The following EIF2B3 variants were observed in gnomAD, a reference collection of about 807,000 sequenced individuals.
The protein encoded by EIF2B3 is translation initiation factor eIF2B subunit gamma.
Under a neutral mutation model 54.1 loss-of-function variants are expected in EIF2B3, and 20 were observed. The ratio of observed to expected loss-of-function variants is 0.37; its 90% CI spans 0.26 to 0.54. The LOEUF (loss-of-function observed/expected upper bound fraction) is 0.54. EIF2B3 is among the 20% of genes least tolerant of loss of function. EIF2B3 has a pLI of 0.86. For synonymous variants in EIF2B3, 153 were observed against 188.1 expected (o/e 0.81, Z 1.52); for missense variants, 448 against 547.8 (o/e 0.82, Z 1.82).
At chr1:44,948,587 C>G (rs932081951) in intron 3 of EIF2B3, among the ~76,000 whole-genome samples, 3 of 151,836 alleles carry the variant, frequency 2.0e-5, no homozygotes, top group Non-Finnish European at 2.9e-5. Flanking sequence ...ATGATATGCT[C>G]TTTATATAAT....
intron 6 of EIF2B3, among the ~76,000 whole-genome samples, chr1:44,882,824 A>G (rs1265917666): frequency 6.6e-6 from 1 of 151,570 alleles, no homozygotes; most frequent in East Asian, 1.9e-4. Flanking sequence ...CATGTTGGCC[A>G]AGCTGGTCTC....
At chr1:44,947,242 T>C (rs1056378610) in intron 3 of EIF2B3, among the ~76,000 whole-genome samples, 1 of 152,326 alleles carries the variant, frequency 6.6e-6, no homozygotes, top group South Asian at 2.1e-4. Context: ...CTTGACAATA[T>C]AGAAACATGC....
chr1:44,869,211 C>T (rs906708036), intron 10 of EIF2B3, among the ~76,000 whole-genome samples: 5 of 152,174 alleles, frequency 3.3e-5, no homozygotes, highest in Non-Finnish European at 5.9e-5. Flanking sequence ...GGCATGGTGG[C>T]TCATGCCTGT....
At chr1:44,940,807 C>G (rs1644011984) in intron 4 of EIF2B3, 1 of 152,464 alleles carries the variant, frequency 6.6e-6, no homozygotes, top group Admixed American at 6.6e-5. Flanking sequence ...AAAGAAACAA[C>G]TATCACATTT....
chr1:44,955,716 T>G (rs1644216494), intron 3 of EIF2B3, among the ~76,000 whole-genome samples: 1 of 151,906 alleles, frequency 6.6e-6, no homozygotes, highest in African/African-American at 2.4e-5. Context: ...GAACAGACAC[T>G]TCTCAAAAGA....
chr1:44,878,163 T>G (rs1244087297), intron 8 of EIF2B3, among the ~76,000 whole-genome samples: 1 of 152,226 alleles, frequency 6.6e-6, no homozygotes, highest in African/African-American at 2.4e-5. Flanking sequence ...GGGACTCCCT[T>G]GGATCTGTAA....
In EIF2B3 at chr1:44,980,954, G is replaced by C. The variant is rs534936894; in HGVS notation, c.148+67C>G. ...CACCCTCTCTCATTCTCATAACGCT[G>C]ACAAATCATGGGGATCAAATCTCCT... is the stretch of plus-strand genomic sequence containing the variant. On this transcript the variant is annotated intron_variant, in intron 2 of 11. Transcript: ENST00000360403. 1.0e-5 allele frequency: 16 copies of C among 1,595,994 alleles called. No individual in the cohort carries two copies. The East Asian group carries it at 3.6e-4, about 36-fold the overall frequency.
At chr1:44,856,727 G>A (rs1324255515) in intron 11 of EIF2B3, among the ~76,000 whole-genome samples, 3 of 151,986 alleles carry the variant, frequency 2.0e-5, no homozygotes, top group Non-Finnish European at 4.4e-5. Flanking sequence ...AGAGTTGGTG[G>A]GGTTAATTCC....
chr1:44,956,706 A>G (rs1644229991), intron 3 of EIF2B3, among the ~76,000 whole-genome samples: 1 of 152,168 alleles, frequency 6.6e-6, no homozygotes, highest in Non-Finnish European at 1.5e-5. Context: ...AACTTAAATA[A>G]CAAGGGCAAA....
chr1:44,926,869 T>G (rs2148932474), intron 4 of EIF2B3, 130 bp from the exon 5 acceptor site: 1 of 828,722 alleles, frequency 1.2e-6, no homozygotes, highest in African/African-American at 1.7e-5. Context: ...GTGCAGTGGC[T>G]CACGCCTGTA....
intron 3 of EIF2B3, among the ~76,000 whole-genome samples, chr1:44,977,860 T>C (rs914201205): frequency 3.9e-5 from 6 of 152,218 alleles, no homozygotes; most frequent in African/African-American, 1.2e-4. Flanking sequence ...TCTTTACTAG[T>C]AACCAAATCA....
intron 3 of EIF2B3, among the ~76,000 whole-genome samples, chr1:44,972,059 T>C (rs1644404093): frequency 6.7e-6 from 1 of 150,122 alleles, no homozygotes; most frequent in Non-Finnish European, 1.5e-5. Flanking sequence ...CAAACAAAAA[T>C]AAGCAGAAAA....
In EIF2B3 at chr1:44,881,859, C is replaced by T; in HGVS notation, c.657-120G>A. On this transcript the variant is annotated intron_variant, in intron 6 of 11. Coordinates refer to ENST00000360403, the MANE Select transcript of EIF2B3 (RefSeq NM_020365.5). The surrounding 1 kb of genome is among the most constrained non-coding windows in gnomAD (Gnocchi z 4.0). ...TCCTGTCATGGCACCTTGGGACTGT[C>T]AGAGATCAAATGTGGCATTGACTTG... 1 of 1,366,968 alleles carries T rather than the reference C, an allele frequency of 7.3e-7. No homozygotes were observed. Among genetic ancestry groups the T allele is most frequent in the Non-Finnish European group, 1.0e-6 (1 of 983,112 alleles). 84.7% of individuals were successfully genotyped at this position (1,366,968 alleles called of 1,614,324 possible). A position where few individuals can be genotyped will look rare whatever the true frequency, so the allele number is the denominator to read the frequency against.
rs1655403559 is a variant in EIF2B3 at position 44,881,603 on chromosome 1, A to C, written c.784+9T>G. ...TTGCCCCTCTTACTGAACCAACCCAAGAACTGACCTAAGGACTTCAGCTCC... is the reference window on the plus strand; with the variant it reads ...TTGCCCCTCTTACTGAACCAACCCACGAACTGACCTAAGGACTTCAGCTCC... On this transcript the variant is annotated intron_variant, in intron 7 of 11. Transcript: ENST00000360403. This position sits in a 1 kb window ranked among gnomAD's most constrained non-coding sequence, Gnocchi z 4.0. 1.2e-6 allele frequency: 2 copies of C among 1,613,866 alleles called. No homozygotes were observed. Among genetic ancestry groups the C allele is most frequent in the Admixed American group, 3.3e-5 (2 of 60,000 alleles).
intron 3 of EIF2B3, among the ~76,000 whole-genome samples, chr1:44,945,706 T>C (rs966422494): frequency 5.3e-5 from 8 of 151,946 alleles, no homozygotes; most frequent in African/African-American, 1.9e-4. Context: ...CTTAGAACAA[T>C]GCTTAGAAAG....
At chr1:44,959,364 C>A in intron 3 of EIF2B3, 1 of 562,844 alleles carries the variant, frequency 1.8e-6, no homozygotes, top group South Asian at 1.9e-5. Context: ...GCAGCAATTT[C>A]TAGCAGGGCC....
At chr1:44,947,248 C>G (rs533412170) in intron 3 of EIF2B3, among the ~76,000 whole-genome samples, 1 of 152,148 alleles carries the variant, frequency 6.6e-6, no homozygotes, top group Non-Finnish European at 1.5e-5. Context: ...AATATAGAAA[C>G]ATGCAAGGTT....
At chr1:44,953,628 C>T (rs902235522) in intron 3 of EIF2B3, among the ~76,000 whole-genome samples, 1 of 152,036 alleles carries the variant, frequency 6.6e-6, no homozygotes, top group Non-Finnish European at 1.5e-5. Context: ...GCCATCTCTA[C>T]AAAAAATACA....
intron 10 of EIF2B3, among the ~76,000 whole-genome samples, chr1:44,866,987 G>A (rs1654805208): frequency 6.6e-6 from 1 of 152,220 alleles, no homozygotes; most frequent in African/African-American, 2.4e-5. Flanking sequence ...GAAATAAAGG[G>A]AAGTAGGAAT....
Sources: allele counts gnomAD v4.1 joint callset (sites outside exome capture counted in the v4.1 genomes callset), GRCh38; gene constraint gnomAD v4.1.1; non-coding constraint Gnocchi (gnomAD v3.1); transcripts MANE v1.5; gene names NCBI Gene and HGNC (gene_info 2026-07-23, HGNC 2026-07-21).